Variants in ATXN1 observed in about 807,000 individuals in gnomAD.
The protein encoded by ATXN1 is ataxin-1.
Under a neutral mutation model 56.4 loss-of-function variants are expected in ATXN1, and 8 were observed. The ratio of observed to expected loss-of-function variants is 0.14; its 90% CI spans 0.08 to 0.26. The LOEUF is 0.26. Among genes scored for constraint, ATXN1 ranks in the 10% least tolerant of loss-of-function variants. ATXN1 has a pLI of 1.00. For missense variants in ATXN1, 987 were observed against 1,106.5 expected, an observed-to-expected ratio of 0.89 and a Z score of 1.53; for synonymous variants, 514 against 494.6, an observed-to-expected ratio of 1.04 and a Z score of -0.52.
chr6:16,326,739 G>A lies in ATXN1; in HGVS notation c.1572C>T (p.Thr524=), dbSNP rs746190862. 1.2e-6 allele frequency: 2 copies of A among 1,613,704 alleles called. No homozygotes were observed. The highest frequency in any genetic ancestry group is 1.1e-5 in the South Asian group (1 of 91,066). ...QFAAVPHTFV[T]TALPKSENFN... is the part of the protein sequence containing the mutation. The stretch of plus-strand genomic sequence containing the variant: ...AGTTCTCGCTCTTGGGAAGGGCGGT[G>A]GTGACGAACGTGTGAGGCACTGCAG... The change falls in exon 7 of 8, where the codon ACC becomes ACT. Residue 524 remains threonine (T), a synonymous_variant. Transcript: ENST00000436367. This position sits in a 1 kb window ranked among gnomAD's most constrained non-coding sequence, Gnocchi z 6.6.
intron 2 of ATXN1, among the ~76,000 whole-genome samples, chr6:16,719,626 G>A (rs1479582351): frequency 6.6e-6 from 1 of 152,164 alleles, no homozygotes; most frequent in Non-Finnish European, 1.5e-5. Context: ...TGACAGCTGA[G>A]ATAGGCTCTC....
chr6:16,733,330 G>A (rs1760034206), intron 2 of ATXN1, among the ~76,000 whole-genome samples: 1 of 152,238 alleles, frequency 6.6e-6, no homozygotes, highest in East Asian at 1.9e-4. Context: ...GGAGGCCGAG[G>A]CGGGAGGATG....
rs150726509 is a variant in ATXN1 at position 16,421,900 on chromosome 6, A to G, written c.-161+64072T>C. Among the ~76,000 whole-genome samples the G allele has an allele frequency of 6.6e-3, 1,008 of 152,316 alleles. 6 individuals are homozygous for G. The highest frequency in any genetic ancestry group is 7.5e-3 in the South Asian group (36 of 4,826). On this transcript the variant is annotated intron_variant, in intron 6 of 7. Coordinates refer to ENST00000436367, the MANE Select transcript of ATXN1 (RefSeq NM_001128164.2). Reference sequence around the variant, plus strand: ...TGGAAAAAAACATGGAATACAATGCAGTTTAGCCACGACTGGCAGCCAAGA... The same window carrying G: ...TGGAAAAAAACATGGAATACAATGCGGTTTAGCCACGACTGGCAGCCAAGA...
intron 6 of ATXN1, among the ~76,000 whole-genome samples, chr6:16,482,475 T>C (rs1464661945): frequency 6.6e-6 from 1 of 152,134 alleles, no homozygotes; most frequent in Non-Finnish European, 1.5e-5. Context: ...CTATTTTATG[T>C]AGATCAGGGA....
At chr6:16,486,977 T>C (rs1379808419) in intron 5 of ATXN1, among the ~76,000 whole-genome samples, 1 of 152,168 alleles carries the variant, frequency 6.6e-6, no homozygotes, top group Non-Finnish European at 1.5e-5. Context: ...TATTTGCTGT[T>C]GCTTTTAATG....
At position 16,342,243 on chromosome 6, in the gene ATXN1, C is replaced by T. The variant is rs117887154; in HGVS notation, c.-160-13773G>A. 7.2e-5 allele frequency among the ~76,000 whole-genome samples: 11 copies of T among 152,052 alleles called. 1 individual carries two copies. The East Asian group carries it at 1.9e-3, about 27-fold the overall frequency. On this transcript the variant is annotated intron_variant, in intron 6 of 7. Transcript: ENST00000436367. The stretch of plus-strand genomic sequence containing the variant: ...TTCCCCACTTTGCCAACACAAAAGT[C>T]GTGTTCTAACCTCCTTTAATCATAC...
intron 6 of ATXN1, among the ~76,000 whole-genome samples, chr6:16,416,210 A>T (rs1758903564): frequency 6.6e-6 from 1 of 152,156 alleles, no homozygotes; most frequent in Non-Finnish European, 1.5e-5. Flanking sequence ...GAAAAAAAAA[A>T]TTGGTCAATA....
At chr6:16,557,090 G>A (rs1440420566) in intron 4 of ATXN1, among the ~76,000 whole-genome samples, 3 of 152,094 alleles carry the variant, frequency 2.0e-5, no homozygotes, top group East Asian at 3.8e-4. Context: ...TTGGGAGGGC[G>A]AGGTGGGCAG....
chr6:16,642,411 C>A (rs1363152391), intron 3 of ATXN1, among the ~76,000 whole-genome samples: 2 of 152,094 alleles, frequency 1.3e-5, no homozygotes, highest in African/African-American at 2.4e-5. Context: ...AACAAACAAA[C>A]AAACAAAAAA....
At chr6:16,417,985 A>G (rs1209660088) in intron 6 of ATXN1, among the ~76,000 whole-genome samples, 2 of 152,142 alleles carry the variant, frequency 1.3e-5, no homozygotes, top group Non-Finnish European at 2.9e-5. Flanking sequence ...GAGGTTAAAA[A>G]CTATGAGAAG....
intron 6 of ATXN1, among the ~76,000 whole-genome samples, chr6:16,340,798 G>T (rs1259395528): frequency 1.3e-5 from 2 of 152,194 alleles, no homozygotes; most frequent in African/African-American, 2.4e-5. Flanking sequence ...CAATAATTAG[G>T]TTAATCTAAA....
intron 6 of ATXN1, among the ~76,000 whole-genome samples, chr6:16,384,848 C>G (rs912851552): frequency 7.2e-5 from 11 of 152,218 alleles, no homozygotes; most frequent in African/African-American, 2.4e-4. Context: ...AATTAAACCT[C>G]TTTTCTTTAC....
intron 2 of ATXN1, among the ~76,000 whole-genome samples, chr6:16,676,168 G>A (rs765512518): frequency 1.4e-4 from 22 of 151,914 alleles, no homozygotes; most frequent in Non-Finnish European, 2.4e-4. Flanking sequence ...GCAATTCGAT[G>A]AAAAAAATAT....
At chr6:16,592,209 A>G (rs1762735580) in intron 3 of ATXN1, among the ~76,000 whole-genome samples, 1 of 152,178 alleles carries the variant, frequency 6.6e-6, no homozygotes, top group Non-Finnish European at 1.5e-5. Flanking sequence ...TTCAGTGATG[A>G]TGAATCCGAG....
At chr6:16,679,165 T>C (rs943710054) in intron 2 of ATXN1, among the ~76,000 whole-genome samples, 4 of 148,626 alleles carry the variant, frequency 2.7e-5, no homozygotes, top group Non-Finnish European at 4.4e-5. Flanking sequence ...GATGGATGAA[T>C]AGATGGATGG....
intron 2 of ATXN1, among the ~76,000 whole-genome samples, chr6:16,736,173 G>A (rs763102189): frequency 5.3e-4 from 81 of 152,120 alleles, no homozygotes; most frequent in Admixed American, 3.9e-3. Context: ...CTTAATGTGA[G>A]CATGTTCAAT....
At chr6:16,416,498 G>A in intron 6 of ATXN1, among the ~76,000 whole-genome samples, 1 of 152,156 alleles carries the variant, frequency 6.6e-6, no homozygotes, top group African/African-American at 2.4e-5. Context: ...CTGCCTTACA[G>A]GGCTGTTGTG....
chr6:16,347,366 C>G (rs894212696), intron 6 of ATXN1, among the ~76,000 whole-genome samples: 4 of 152,254 alleles, frequency 2.6e-5, no homozygotes, highest in Non-Finnish European at 5.9e-5. Context: ...AATCAGCACT[C>G]TATATCTAGC....
intron 6 of ATXN1, among the ~76,000 whole-genome samples, chr6:16,341,641 C>T (rs546742532): frequency 6.6e-6 from 1 of 151,352 alleles, no homozygotes; most frequent in South Asian, 2.1e-4. Context: ...GCCTCAGCCT[C>T]CCGAGTGGCT....
Sources: allele counts gnomAD v4.1 joint callset (sites outside exome capture counted in the v4.1 genomes callset), GRCh38; gene constraint gnomAD v4.1.1; non-coding constraint Gnocchi (gnomAD v3.1); transcripts MANE v1.5; gene names NCBI Gene and HGNC (gene_info 2026-07-23, HGNC 2026-07-21).